Variants in SPRR4 observed in about 807,000 individuals in gnomAD.
The protein encoded by SPRR4 is small proline rich protein 4.
For missense variants in SPRR4, 106 were observed against 91.6 expected (o/e 1.16, Z -0.64); for synonymous variants, 30 against 34.3 (o/e 0.87, Z 0.44).
chr1:152,972,148 C>G lies in SPRR4; in HGVS notation c.*18C>G. ...AGAAGTAAGGATGGACTGGATATTA[C>G]CATCATCCACCATCCTGGCTACCAG... is the stretch of plus-strand genomic sequence containing the variant. On this transcript the variant is annotated 3_prime_UTR_variant, in exon 2 of 2. Coordinates refer to ENST00000328051, the MANE Select transcript of SPRR4 (RefSeq NM_173080.3). 1 of 1,613,690 alleles carries G rather than the reference C, an allele frequency of 6.2e-7. No individual in the cohort carries two copies. The highest frequency in any genetic ancestry group is 8.5e-7 in the Non-Finnish European group (1 of 1,179,704).
rs888425212 is a variant in SPRR4 at position 152,971,877 on chromosome 1, C to A, written c.-14C>A. The A allele has an allele frequency of 5.6e-6, 9 of 1,613,994 alleles. No homozygotes were observed. Among genetic ancestry groups the A allele is most frequent in the Middle Eastern group, 1.6e-4 (1 of 6,062 alleles). On this transcript the variant is annotated 5_prime_UTR_variant, in exon 2 of 2. The change creates a new upstream start codon in the 5' untranslated region. Coordinates refer to ENST00000328051, the MANE Select transcript of SPRR4 (RefSeq NM_173080.3). ...CCTGCCCGGTTTCCTTTAGGCTCAC[C>A]TGTTCCTAGAGCAATGTCTTCCCAG...
At chr1:152,970,788 C>T (rs1164460278) in intron 1 of SPRR4, 94 bp downstream of exon 1, 1 of 152,254 alleles carries the variant, frequency 6.6e-6, no homozygotes, top group African/African-American at 2.4e-5. Context: ...CCTCTTCCAT[C>T]CTTGGGTAAT....
chr1:152,971,610 ACACT>A (rs1303983353), intron 1 of SPRR4, among the ~76,000 whole-genome samples: 60 of 137,440 alleles, frequency 4.4e-4, no homozygotes, highest in Non-Finnish European at 7.0e-4. Flanking sequence ...ACACACACAC[ACACT>A]CACACACACA....
At chr1:152,968,870 A>G (rs895338720), upstream of SPRR4, among the ~76,000 whole-genome samples, 3 of 152,232 alleles carry the variant, frequency 2.0e-5, no homozygotes, top group African/African-American at 7.2e-5. Flanking sequence ...GGCACCAGGT[A>G]TATGAAAAGC....
chr1:152,972,027 G>A lies in SPRR4; in HGVS notation c.137G>A (p.Cys46Tyr), dbSNP rs369173908. The stretch of plus-strand genomic sequence containing the variant: ...TGTGCACCCAAAACCAAGGATCCAT[G>A]TGCTCCCCAGGTCAAGAAGCAATGC... ...ETCAPKTKDP[C>Y]APQVKKQCPP... is the part of the protein sequence containing the mutation. Residue 46 changes from cysteine (C) to tyrosine (Y), a missense_variant, in exon 2 of 2, where the codon TGT becomes TAT. Coordinates refer to ENST00000328051, the MANE Select transcript of SPRR4 (RefSeq NM_173080.3). The A allele has an allele frequency of 2.2e-5, 35 of 1,613,866 alleles. No homozygotes were observed. The highest frequency in any genetic ancestry group is 2.9e-5 in the Non-Finnish European group (34 of 1,180,008).
intron 1 of SPRR4, 34 bp from the exon 2 acceptor site, chr1:152,971,837 C>T: frequency 6.2e-7 from 1 of 1,601,322 alleles, no homozygotes; most frequent in East Asian, 2.2e-5. Context: ...TTTTTAACAC[C>T]CTTCTCATGG....
Position 152,972,372 on chromosome 1 carries a change from T to C in SPRR4, c.*242T>C, listed in dbSNP as rs977539911. The C allele has an allele frequency of 1.2e-5, 7 of 599,460 alleles. No individual in the cohort carries two copies. Among genetic ancestry groups the C allele is most frequent in the African/African-American group, 1.9e-5 (1 of 53,440 alleles). The allele number at this position is 599,460 out of a possible 1,614,324, so 37.1% of individuals were successfully genotyped here. A position where few individuals can be genotyped will look rare whatever the true frequency, so the allele number is the denominator to read the frequency against. On this transcript the variant is annotated 3_prime_UTR_variant, in exon 2 of 2. Transcript: ENST00000328051. ...GGTGGGTGTGAGAGAGACCTCATTC[T>C]CTGCAGGCTCCAGCGTGGCCACAGC... is the stretch of plus-strand genomic sequence containing the variant.
rs201775282 is a variant in SPRR4 at position 152,972,074 on chromosome 1, C to T, written c.184C>T (p.Pro62Ser). 1.2e-4 allele frequency: 190 copies of T among 1,613,998 alleles called. 3 individuals are homozygous for T. In the Middle Eastern group the frequency reaches 1.3e-3, roughly 11 times the overall value. ...KQCPPKGTII[P>S]AQQKCPSAQQ... ...ATGCCCACCGAAAGGCACCATCATTCCAGCCCAGCAGAAGTGTCCCTCAGC... is the reference window on the plus strand; with the variant it reads ...ATGCCCACCGAAAGGCACCATCATTTCAGCCCAGCAGAAGTGTCCCTCAGC... Residue 62 changes from proline to serine, a missense_variant, in exon 2 of 2, where the codon CCA (proline) becomes TCA (serine). Coordinates refer to ENST00000328051, the MANE Select transcript of SPRR4 (RefSeq NM_173080.3).
upstream of SPRR4, among the ~76,000 whole-genome samples, chr1:152,969,249 T>TGC (rs1651764422): frequency 6.6e-6 from 1 of 152,202 alleles, no homozygotes; most frequent in African/African-American, 2.4e-5. Context: ...AGATGCTGAC[T>TGC]GCGGTGATGG....
At chr1:152,969,231 C>T (rs188094367), upstream of SPRR4, among the ~76,000 whole-genome samples, 13 of 152,280 alleles carry the variant, frequency 8.5e-5, no homozygotes, top group East Asian at 2.5e-3. Flanking sequence ...GTGACTTGTC[C>T]ACCATGGAGA....
chr1:152,970,624 G>T (rs1262510017), upstream of SPRR4: 2 of 152,256 alleles, frequency 1.3e-5, no homozygotes, highest in Non-Finnish European at 2.9e-5. Context: ...GCCCTATAAA[G>T]GCTCCTGGAG....
Position 152,972,207 on chromosome 1 carries a change from T to C in SPRR4, c.*77T>C, listed in dbSNP as rs1436349358. Reference sequence around the variant, plus strand: ...TTCTCTTCTTCCTTCTCCTCTTCCCTCCAGCTCTTGAGCCTACCCTCCTCT... The same window carrying C: ...TTCTCTTCTTCCTTCTCCTCTTCCCCCCAGCTCTTGAGCCTACCCTCCTCT... On this transcript the variant is annotated 3_prime_UTR_variant, in exon 2 of 2. Coordinates refer to ENST00000328051, the MANE Select transcript of SPRR4 (RefSeq NM_173080.3). 5.1e-6 allele frequency: 8 copies of C among 1,579,228 alleles called. No homozygotes were observed. The highest frequency in any genetic ancestry group is 6.9e-6 in the Non-Finnish European group (8 of 1,161,552).
rs533021291 is a variant in SPRR4, at chr1:152,972,273, G to A, written c.*143G>A. 5 of 1,361,574 alleles carry A rather than the reference G, an allele frequency of 3.7e-6. No individual in the cohort carries two copies. In the African/African-American group the frequency reaches 7.3e-5, roughly 20 times the overall value. The allele number at this position is 1,361,574 out of a possible 1,614,324, so 84.3% of individuals were successfully genotyped here. A position where few individuals can be genotyped will look rare whatever the true frequency, so the allele number is the denominator to read the frequency against. ...CCAAGATGTAAGGAAGCATTGTAAG[G>A]ATTTCTTCCCATCGTACCCTTCCCC... On this transcript the variant is annotated 3_prime_UTR_variant, in exon 2 of 2. Coordinates refer to ENST00000328051, the MANE Select transcript of SPRR4 (RefSeq NM_173080.3).
In SPRR4 at chr1:152,971,913, G is replaced by T; in HGVS notation, c.23G>T (p.Arg8Leu). ...GCAATGTCTTCCCAGCAGCAGCAGC[G>T]GCAGCAGCAGCAGTGCCCACCCCAG... The part of the protein sequence containing the change: MSSQQQQ[R>L]QQQQCPPQRA... The change falls in exon 2 of 2, where the codon CGG (arginine) becomes CTG (leucine). Residue 8 changes from arginine to leucine, a missense_variant. Physicochemically the swap from Arg to Leu is moderately radical, Grantham distance 102. Transcript: ENST00000328051. The T allele has an allele frequency of 6.2e-7, 1 of 1,613,712 alleles. No homozygotes were observed. Among genetic ancestry groups the T allele is most frequent in the South Asian group, 1.1e-5 (1 of 91,030 alleles).
intron 1 of SPRR4, 96 bp downstream of exon 1, chr1:152,970,790 T>G (rs1446613638): frequency 6.6e-6 from 1 of 152,268 alleles, no homozygotes; most frequent in Non-Finnish European, 1.5e-5. Context: ...TCTTCCATCC[T>G]TGGGTAATCA....
chr1:152,969,634 A>G (rs1426874293), upstream of SPRR4, among the ~76,000 whole-genome samples: 2 of 152,166 alleles, frequency 1.3e-5, no homozygotes, highest in African/African-American at 2.4e-5. Context: ...CCTTCCTGCC[A>G]CCTAGATAAG....
intron 1 of SPRR4, among the ~76,000 whole-genome samples, 177 bp from the exon 2 acceptor site, chr1:152,971,694 C>G (rs1414148627): frequency 3.3e-5 from 5 of 152,112 alleles, no homozygotes; most frequent in Non-Finnish European, 7.3e-5. Context: ...CTTGCCCATT[C>G]TCATTGTCTG....
At position 152,971,992 on chromosome 1, in the gene SPRR4, T is replaced by A. The variant is rs565875898; in HGVS notation, c.102T>A (p.Cys34Ter). 18 of 1,613,834 alleles carry A rather than the reference T, an allele frequency of 1.1e-5. No individual in the cohort carries two copies. Among genetic ancestry groups the A allele is most frequent in the Non-Finnish European group, 1.4e-5 (17 of 1,180,012 alleles). ...CTTGTCAGCCACCCCCTGTTAAATG[T>A]CAAGAGACATGTGCACCCAAAACCA... ...KQPCQPPPVKCQETCAPKTKD... is the reference protein window; with the variant it reads ...KQPCQPPPVK Residue 34 changes from cysteine (C) to a stop codon, truncating the protein, a stop_gained, in exon 2 of 2, where the codon TGT becomes TGA. Transcript: ENST00000328051. LOFTEE classifies it low-confidence loss of function (END_TRUNC).
intron 1 of SPRR4, among the ~76,000 whole-genome samples, chr1:152,971,108 G>A (rs770508758): frequency 6.6e-6 from 1 of 152,124 alleles, no homozygotes; most frequent in African/African-American, 2.4e-5. Flanking sequence ...ATCCTATGCA[G>A]CTCTCATGCT....
Sources: gnomAD v4.1 joint callset for allele counts (sites outside exome capture counted in the v4.1 genomes callset) on GRCh38, gnomAD v4.1.1 for gene constraint, MANE v1.5 for transcripts, NCBI Gene and HGNC (gene_info 2026-07-23, HGNC 2026-07-21) for gene names.